Variants in MTUS2 observed in about 807,000 individuals in gnomAD.
MTUS2 encodes the protein microtubule-associated tumor suppressor candidate 2.
Under a neutral mutation model 114.1 loss-of-function variants are expected in MTUS2, and 40 were observed. The observed-to-expected ratio is 0.35, with a 90% CI of 0.27 to 0.46. The LOEUF (loss-of-function observed/expected upper bound fraction) is 0.46, where lower values mean the gene tolerates loss of function less well. Among genes scored for constraint, MTUS2 ranks in the 20% least tolerant of loss-of-function variants. The pLI is 1.00. For synonymous variants in MTUS2, 688 were observed against 672.0 expected (o/e 1.02, Z -0.37); for missense variants, 1,679 against 1,705.4 (o/e 0.98, Z 0.27).
intron 8 of MTUS2, among the ~76,000 whole-genome samples, chr13:29,367,053 C>T (rs1870782347): frequency 6.6e-6 from 1 of 152,122 alleles, no homozygotes; most frequent in South Asian, 2.1e-4. Context: ...GGTCCATCCG[C>T]TTGGTAAATG....
chr13:28,845,187 C>T (rs745716378), intron 2 of MTUS2, among the ~76,000 whole-genome samples: 11 of 152,046 alleles, frequency 7.2e-5, no homozygotes, highest in African/African-American at 2.7e-4. Flanking sequence ...TCTCAAACAA[C>T]CATCCTTCTG....
intron 5 of MTUS2, among the ~76,000 whole-genome samples, chr13:29,134,021 T>C (rs1891870636): frequency 2.0e-5 from 3 of 152,234 alleles, no homozygotes; most frequent in Admixed American, 2.0e-4. Context: ...TGTAAGCACA[T>C]ATGGCTACAA....
intron 2 of MTUS2, among the ~76,000 whole-genome samples, chr13:28,944,129 T>C (rs571126581): frequency 4.6e-5 from 7 of 151,952 alleles, no homozygotes; most frequent in South Asian, 4.2e-4. Flanking sequence ...ATTTTGGGGG[T>C]ACATGGGATA....
intron 2 of MTUS2, among the ~76,000 whole-genome samples, chr13:28,844,414 T>C (rs1004146345): frequency 9.9e-5 from 15 of 152,104 alleles, no homozygotes; most frequent in South Asian, 2.1e-4. Context: ...TGTGTGTGTG[T>C]GCGCGCATGT....
At chr13:29,223,035 C>G (rs1278497857) in intron 5 of MTUS2, among the ~76,000 whole-genome samples, 1 of 152,174 alleles carries the variant, frequency 6.6e-6, no homozygotes, top group Admixed American at 6.5e-5. Flanking sequence ...CACAAACAGT[C>G]TGGACACTGT....
intron 2 of MTUS2, among the ~76,000 whole-genome samples, chr13:28,898,469 C>A (rs1416622340): frequency 6.6e-6 from 1 of 152,204 alleles, no homozygotes; most frequent in Non-Finnish European, 1.5e-5. Context: ...TCTTTCCATC[C>A]TGAACATCAC....
intron 7 of MTUS2, among the ~76,000 whole-genome samples, chr13:29,349,226 A>T (rs1437010577): frequency 2.6e-5 from 4 of 152,028 alleles, no homozygotes. Flanking sequence ...TAGGGTTCAT[A>T]ATATATGTCA....
chr13:28,946,962 G>A (rs757029487), intron 2 of MTUS2, among the ~76,000 whole-genome samples: 76 of 152,002 alleles, frequency 5.0e-4, no homozygotes, highest in African/African-American at 3.4e-4. Context: ...TTCATATTTC[G>A]TATATGATGC....
intron 2 of MTUS2, among the ~76,000 whole-genome samples, chr13:28,876,788 G>A (rs978290108): frequency 7.2e-5 from 11 of 152,114 alleles, no homozygotes; most frequent in Non-Finnish European, 1.6e-4. Flanking sequence ...GGGAAAACAC[G>A]CTGGGTAAAT....
chr13:29,339,389 T>C (rs577794010), intron 7 of MTUS2, among the ~76,000 whole-genome samples: 1 of 152,182 alleles, frequency 6.6e-6, no homozygotes, highest in Non-Finnish European at 1.5e-5. Context: ...TGGGATCTGC[T>C]TGCTACGCTT....
At chr13:29,256,377 G>C (rs946651209) in intron 5 of MTUS2, among the ~76,000 whole-genome samples, 1 of 152,214 alleles carries the variant, frequency 6.6e-6, no homozygotes, top group African/African-American at 2.4e-5. Context: ...CTGAGACACT[G>C]AAGGGGGCCA....
At chr13:29,174,303 A>C (rs1359895640) in intron 5 of MTUS2, among the ~76,000 whole-genome samples, 1 of 152,116 alleles carries the variant, frequency 6.6e-6, no homozygotes, top group East Asian at 1.9e-4. Flanking sequence ...TTTCCTGACC[A>C]CAAAAGAAGG....
chr13:28,984,755 T>C (rs367591459), intron 2 of MTUS2, among the ~76,000 whole-genome samples: 31 of 152,374 alleles, frequency 2.0e-4, no homozygotes, highest in African/African-American at 7.0e-4. Flanking sequence ...GCCTGTGTTG[T>C]ATATAACATG....
intron 12 of MTUS2, among the ~76,000 whole-genome samples, chr13:29,493,259 G>A (rs1407848748): frequency 1.3e-5 from 2 of 152,296 alleles, no homozygotes; most frequent in East Asian, 3.9e-4. Flanking sequence ...TGTCCTGCAG[G>A]CCTCTAAGGA....
Position 29,378,333 on chromosome 13 carries a change from T to C in MTUS2, c.3117+18860T>C, listed in dbSNP as rs151294608. Among the ~76,000 whole-genome samples, 809 of 152,294 alleles carry C rather than the reference T, an allele frequency of 5.3e-3. 5 individuals carry two copies. The highest frequency in any genetic ancestry group is 0.019 in the African/African-American group (769 of 41,556). ...GATAATTCATATGGTTGTTTTCTTATTGTCCTTTGGGTGTTATTGGCTTGA... is the reference window on the plus strand; with the variant it reads ...GATAATTCATATGGTTGTTTTCTTACTGTCCTTTGGGTGTTATTGGCTTGA... On this transcript the variant is annotated intron_variant, in intron 8 of 15. Transcript: ENST00000612955.
intron 2 of MTUS2, among the ~76,000 whole-genome samples, chr13:28,971,797 AC>A (rs1402302671): frequency 1.2e-4 from 18 of 152,204 alleles, no homozygotes; most frequent in Non-Finnish European, 2.5e-4. Flanking sequence ...GACAGCACTT[AC>A]CCAAGGTCAG....
chr13:29,177,686 C>T (rs1036559005), intron 5 of MTUS2, among the ~76,000 whole-genome samples: 2 of 152,158 alleles, frequency 1.3e-5, no homozygotes, highest in African/African-American at 4.8e-5. Context: ...CTACTTCCTT[C>T]CTGGAAACTT....
intron 12 of MTUS2, among the ~76,000 whole-genome samples, chr13:29,493,397 C>A (rs764418916): frequency 6.6e-6 from 1 of 152,110 alleles, no homozygotes; most frequent in Non-Finnish European, 1.5e-5. Context: ...GCCAGGGGGA[C>A]GCTAGGGGCC....
intron 4 of MTUS2, among the ~76,000 whole-genome samples, chr13:29,034,478 AG>A (rs1166146497): frequency 3.3e-5 from 5 of 152,202 alleles, no homozygotes; most frequent in Non-Finnish European, 7.3e-5. Flanking sequence ...ATAACTGTTT[AG>A]GGCCTTGGTC....
Sources: gnomAD v4.1 joint callset for allele counts (sites outside exome capture counted in the v4.1 genomes callset) on GRCh38, gnomAD v4.1.1 for gene constraint, MANE v1.5 for transcripts, NCBI Gene and HGNC (gene_info 2026-07-23, HGNC 2026-07-21) for gene names.